The following PSIP1 variants were observed in gnomAD, a reference collection of about 807,000 sequenced individuals.
PSIP1 encodes the protein PC4 and SFRS1-interacting protein.
Under a neutral mutation model 74.7 loss-of-function variants are expected in PSIP1, and 19 were observed. The observed-to-expected ratio is 0.25, with a 90% CI of 0.18 to 0.37. The LOEUF is 0.37. Among genes scored for constraint, PSIP1 ranks in the 10% least tolerant of loss-of-function variants. The pLI is 1.00. For synonymous variants in PSIP1, 222 were observed against 195.3 expected (o/e 1.14, Z -1.14); for missense variants, 601 against 614.3 (o/e 0.98, Z 0.23).
chr9:15,474,806 C>T (rs921226206), intron 8 of PSIP1, among the ~76,000 whole-genome samples: 1 of 152,074 alleles, frequency 6.6e-6, no homozygotes, highest in East Asian at 1.9e-4. Flanking sequence ...ATACTAACCA[C>T]GTAATTACTT....
intron 4 of PSIP1, among the ~76,000 whole-genome samples, chr9:15,487,468 G>A (rs761680505): frequency 2.0e-4 from 31 of 151,592 alleles, no homozygotes; most frequent in Admixed American, 1.1e-3. Flanking sequence ...GGTGGCACGC[G>A]CCTGTAATCC....
chr9:15,471,546 G>T (rs971294697), intron 10 of PSIP1: 10 of 972,572 alleles, frequency 1.0e-5, no homozygotes, highest in Non-Finnish European at 1.2e-5. Flanking sequence ...TCAGTGAAAA[G>T]ATAGAATAGA....
intron 2 of PSIP1, among the ~76,000 whole-genome samples, chr9:15,509,272 A>G (rs2037739323): frequency 6.6e-6 from 1 of 152,246 alleles, no homozygotes. Flanking sequence ...ACCTAATCTA[A>G]TTGATTGCAA....
In PSIP1 at chr9:15,490,188, GAC is replaced by G. The variant is rs1467669949; in HGVS notation, c.150-66_150-65del. 6.4e-6 allele frequency: 9 copies of G among 1,396,704 alleles called. No homozygotes were observed. In the African/African-American group the frequency reaches 1.2e-4, roughly 18 times the overall value. The allele number at this position is 1,396,704 out of a possible 1,614,324, so 86.5% of individuals were successfully genotyped here. The stretch of plus-strand genomic sequence containing the variant: ...CTCAAATACATAATTTATTAGATAA[GAC>G]ACCCTATTACACAATTATCAAAAAT... On this transcript the variant is annotated intron_variant, in intron 3 of 15. Coordinates refer to ENST00000380733, the MANE Select transcript of PSIP1 (RefSeq NM_033222.5).
chr9:15,481,986 T>C (rs1188754558), intron 6 of PSIP1, among the ~76,000 whole-genome samples: 1 of 152,210 alleles, frequency 6.6e-6, no homozygotes, highest in Non-Finnish European at 1.5e-5. Context: ...ACATCTTAAA[T>C]GCTAATATCT....
intron 6 of PSIP1, 54 bp downstream of exon 6, chr9:15,485,952 A>G (rs899244340): frequency 2.0e-6 from 3 of 1,468,842 alleles, no homozygotes; most frequent in Admixed American, 3.8e-5. Flanking sequence ...CCTCAACCCA[A>G]TTAAAATAAA....
At chr9:15,502,840 G>C (rs2037409875) in intron 3 of PSIP1, among the ~76,000 whole-genome samples, 1 of 152,144 alleles carries the variant, frequency 6.6e-6, no homozygotes, top group African/African-American at 2.4e-5. Flanking sequence ...GTCACAGTTA[G>C]GGCTCACTGT....
At chr9:15,484,416 T>C (rs1264129902) in intron 6 of PSIP1, among the ~76,000 whole-genome samples, 2 of 151,908 alleles carry the variant, frequency 1.3e-5, no homozygotes, top group Non-Finnish European at 2.9e-5. Flanking sequence ...CTGGCCAACA[T>C]GGTGAGACCC....
rs781074128 is a variant in PSIP1, at chr9:15,472,678, C to T, written c.931G>A (p.Ala311Thr). Residue 311 changes from alanine to threonine, a missense_variant, in exon 10 of 16, where the codon GCA becomes ACA. By Grantham distance (58) the Ala-to-Thr change is moderately conservative (BLOSUM62 0). Transcript: ENST00000380733. ...TCTTGCTTGCGTTTTCGATCTGCTG[C>T]TTCTTTCTCATGTTGGCCTTTCAGC... ...NMLKGQHEKE[A>T]ADRKRKQEEQ... The T allele has an allele frequency of 5.0e-6, 8 of 1,607,706 alleles. No homozygotes were observed. In the Admixed American group the frequency reaches 5.1e-5, roughly 10 times the overall value.
intron 6 of PSIP1, among the ~76,000 whole-genome samples, chr9:15,483,744 C>T (rs2036436422): frequency 6.6e-6 from 1 of 152,074 alleles, no homozygotes; most frequent in Admixed American, 6.6e-5. Flanking sequence ...AAAAATGACG[C>T]ATTCTTTGGG....
chr9:15,469,742 T>TA (rs1402289737), intron 11 of PSIP1, among the ~76,000 whole-genome samples, 196 bp downstream of exon 11: 1 of 152,056 alleles, frequency 6.6e-6, no homozygotes, highest in Non-Finnish European at 1.5e-5. Flanking sequence ...GCATTAAACA[T>TA]AAACAACTCA....
chr9:15,497,346 C>T (rs2037129105), intron 3 of PSIP1, among the ~76,000 whole-genome samples: 1 of 89,018 alleles, frequency 1.1e-5, no homozygotes, highest in Non-Finnish European at 1.9e-5. Flanking sequence ...TTTTTTGAGA[C>T]AGAGTCTTGC....
At chr9:15,473,913 A>C (rs2035952955) in intron 9 of PSIP1, 96 bp downstream of exon 9, 4 of 918,710 alleles carry the variant, frequency 4.4e-6, no homozygotes, top group Non-Finnish European at 5.9e-6. Context: ...ACAAAAAAAA[A>C]ACAAAAAAAA....
Position 15,510,256 on chromosome 9 carries a change from C to A in PSIP1, c.-68G>T. ...GAGGAGATGCGGCGGCGCGGGGATG[C>A]GGGCGGCGGACGCGGGCCCAGCTAC... On this transcript the variant is annotated 5_prime_UTR_variant, in exon 2 of 16. Coordinates refer to ENST00000380733, the MANE Select transcript of PSIP1 (RefSeq NM_033222.5). The A allele has an allele frequency of 2.7e-6, 4 of 1,471,108 alleles. No individual in the cohort carries two copies. Among genetic ancestry groups the A allele is most frequent in the Non-Finnish European group, 9.3e-7 (1 of 1,080,272 alleles). The allele number at this position is 1,471,108 out of a possible 1,614,324, so 91.1% of individuals were successfully genotyped here. A position where few individuals can be genotyped will look rare whatever the true frequency, so the allele number is the denominator to read the frequency against.
intron 10 of PSIP1, chr9:15,472,040 T>C: frequency 1.0e-6 from 1 of 972,644 alleles, no homozygotes; most frequent in Non-Finnish European, 1.2e-6. Flanking sequence ...AGTAATAAAA[T>C]TATATAGTAA....
rs566087923 is a variant in PSIP1, at chr9:15,465,401, C to T, written c.*119G>A. On this transcript the variant is annotated 3_prime_UTR_variant, in exon 16 of 16. Transcript: ENST00000380733. ...TTTAAAACAAAGGGATTTTCTCCCTCAAAACAAGTTTTCAACATCAAACCT... is the reference window on the plus strand; with the variant it reads ...TTTAAAACAAAGGGATTTTCTCCCTTAAAACAAGTTTTCAACATCAAACCT... The T allele has an allele frequency of 1.9e-4, 164 of 882,146 alleles. No homozygotes were observed. In the East Asian group the frequency reaches 4.2e-3, roughly 23 times the overall value. The allele number at this position is 882,146 out of a possible 1,614,324, so 54.6% of individuals were successfully genotyped here.
chr9:15,503,495 A>AAAT (rs201995684), intron 3 of PSIP1, among the ~76,000 whole-genome samples: 5 of 151,892 alleles, frequency 3.3e-5, no homozygotes, highest in Admixed American at 6.6e-5. Flanking sequence ...CATCTCTAAA[A>AAAT]AATAATAATA....
In PSIP1 at chr9:15,510,254, T is replaced by G. The variant is rs1202764798; in HGVS notation, c.-66A>C. Reference sequence around the variant, plus strand: ...GCGAGGAGATGCGGCGGCGCGGGGATGCGGGCGGCGGACGCGGGCCCAGCT... The same window carrying G: ...GCGAGGAGATGCGGCGGCGCGGGGAGGCGGGCGGCGGACGCGGGCCCAGCT... On this transcript the variant is annotated 5_prime_UTR_variant, in exon 2 of 16. Coordinates refer to ENST00000380733, the MANE Select transcript of PSIP1 (RefSeq NM_033222.5). 6.7e-7 allele frequency: 1 copy of G among 1,503,318 alleles called. No individual in the cohort carries two copies. The allele number at this position is 1,503,318 out of a possible 1,614,324, so 93.1% of individuals were successfully genotyped here. A position where few individuals can be genotyped will look rare whatever the true frequency, so the allele number is the denominator to read the frequency against.
At chr9:15,481,110 A>G (rs1262797873) in intron 6 of PSIP1, among the ~76,000 whole-genome samples, 1 of 152,188 alleles carries the variant, frequency 6.6e-6, no homozygotes, top group Admixed American at 6.5e-5. Flanking sequence ...TCCTCCCTGA[A>G]CATTATTAGC....
Sources: gnomAD v4.1 joint callset for allele counts (sites outside exome capture counted in the v4.1 genomes callset) on GRCh38, gnomAD v4.1.1 for gene constraint, MANE v1.5 for transcripts, NCBI Gene and HGNC (gene_info 2026-07-23, HGNC 2026-07-21) for gene names.